The following CDH7 variants were observed in gnomAD, a reference collection of about 807,000 sequenced individuals.
CDH7 encodes cadherin 7.
A neutral mutation model predicts 71.8 loss-of-function variants in CDH7; 25 were observed. The observed-to-expected ratio is 0.35, with a 90% confidence interval of 0.25 to 0.49. The LOEUF is 0.49. CDH7 is among the 20% of genes least tolerant of loss of function. The pLI is 0.99. For missense variants in CDH7, 862 were observed against 974.6 expected (o/e 0.88, Z 1.54); for synonymous variants, 381 against 363.8 (o/e 1.05, Z -0.54).
intron 11 of CDH7, among the ~76,000 whole-genome samples, chr18:65,872,354 G>A (rs1913953385): frequency 6.6e-6 from 1 of 152,092 alleles, no homozygotes; most frequent in African/African-American, 2.4e-5. Context: ...ATGTGGAGTA[G>A]GCTATTCTTA....
chr18:65,860,429 A>G (rs1913522856), intron 10 of CDH7, among the ~76,000 whole-genome samples: 1 of 152,180 alleles, frequency 6.6e-6, no homozygotes, highest in Non-Finnish European at 1.5e-5. Context: ...AAATATCATT[A>G]TAGTAAAAAA....
At chr18:65,839,188 T>A (rs906271285) in intron 6 of CDH7, among the ~76,000 whole-genome samples, 2 of 152,218 alleles carry the variant, frequency 1.3e-5, no homozygotes, top group South Asian at 4.1e-4. Context: ...AGTTTTCACA[T>A]GTATTAATAA....
chr18:65,828,141 T>G (rs1912199401), intron 6 of CDH7, among the ~76,000 whole-genome samples: 1 of 151,964 alleles, frequency 6.6e-6, no homozygotes, highest in African/African-American at 2.4e-5. Flanking sequence ...TTTTAAAAAT[T>G]TTACAAATTT....
intron 2 of CDH7, among the ~76,000 whole-genome samples, chr18:65,793,751 G>A (rs1320296528): frequency 6.6e-6 from 1 of 152,082 alleles, no homozygotes; most frequent in South Asian, 2.1e-4. Flanking sequence ...ACATGCAGTA[G>A]CAGTAATAAA....
At chr18:65,819,774 A>G (rs1911852036) in intron 4 of CDH7, among the ~76,000 whole-genome samples, 1 of 151,722 alleles carries the variant, frequency 6.6e-6, no homozygotes, top group South Asian at 2.1e-4. Flanking sequence ...AGTGATATCC[A>G]AAAAAGTTTA....
chr18:65,809,739 C>T lies in CDH7; in HGVS notation c.246C>T (p.Ile82=), dbSNP rs1911453849. 3.1e-6 allele frequency: 5 copies of T among 1,613,852 alleles called. No homozygotes were observed. ...HSDVDKGDGS[I]KYILSGEGAS... ...ATGTTGATAAAGGAGATGGTTCCAT[C>T]AAATACATCTTGTCAGGCGAAGGGG... The change falls in exon 3 of 12, where the codon ATC becomes ATT. Residue 82 remains isoleucine, a synonymous_variant. Transcript: ENST00000397968.
chr18:65,756,687 A>C (rs1916038627), intron 1 of CDH7, among the ~76,000 whole-genome samples: 1 of 152,220 alleles, frequency 6.6e-6, no homozygotes, highest in Non-Finnish European at 1.5e-5. Flanking sequence ...AATTGTGATA[A>C]GCCATTGCTT....
chr18:65,809,857 G>T lies in CDH7; in HGVS notation c.364G>T (p.Ala122Ser). 1 of 1,613,994 alleles carries T rather than the reference G, an allele frequency of 6.2e-7. No individual in the cohort carries two copies. The highest frequency in any genetic ancestry group is 8.5e-7 in the Non-Finnish European group (1 of 1,179,996). Residue 122 changes from alanine to serine, a missense_variant, in exon 3 of 12, where the codon GCT becomes TCT. Physicochemically the swap from Ala to Ser is moderately conservative, Grantham distance 99 (BLOSUM62 1). Transcript: ENST00000397968. The part of the protein sequence containing the change: ...REEQAYYTLR[A>S]QALDRLTNKP... ...GGAGCAGGCCTACTACACGCTCCGA[G>T]CTCAAGCGCTGGATAGGCTCACCAA...
intron 2 of CDH7, among the ~76,000 whole-genome samples, chr18:65,769,146 A>G (rs1419594232): frequency 6.6e-6 from 1 of 152,202 alleles, no homozygotes; most frequent in East Asian, 1.9e-4. Flanking sequence ...CACAGATCCA[A>G]GAACAAACGC....
intron 1 of CDH7, among the ~76,000 whole-genome samples, chr18:65,752,312 C>T (rs1915906054): frequency 1.3e-5 from 2 of 152,262 alleles, no homozygotes; most frequent in Admixed American, 6.5e-5. Flanking sequence ...GCAGATAACA[C>T]CTCACACAAA....
Position 65,889,174 on chromosome 18 carries a change from G to A in CDH7, c.*8280G>A, listed in dbSNP as rs1914446787. 6.6e-6 allele frequency: 1 copy of A among 152,120 alleles called. No homozygotes were observed. The highest frequency in any genetic ancestry group is 2.4e-5 in the African/African-American group (1 of 41,404). 9.4% of individuals were successfully genotyped at this position (152,120 alleles called of 1,614,324 possible). On this transcript the variant is annotated 3_prime_UTR_variant, in exon 12 of 12. Coordinates refer to ENST00000397968, the MANE Select transcript of CDH7 (RefSeq NM_004361.5). ...AAACACGGCAGACCAGATTTTCTGAGGGTTACCCGCTATGCAGATTCATAA... is the reference window on the plus strand; with the variant it reads ...AAACACGGCAGACCAGATTTTCTGAAGGTTACCCGCTATGCAGATTCATAA...
chr18:65,795,904 T>C (rs1327698578), intron 2 of CDH7, among the ~76,000 whole-genome samples: 2 of 152,052 alleles, frequency 1.3e-5, no homozygotes, highest in Non-Finnish European at 2.9e-5. Context: ...CTGAGTTTTA[T>C]AAGGGACACT....
At chr18:65,788,778 G>C (rs1910602278) in intron 2 of CDH7, among the ~76,000 whole-genome samples, 1 of 152,162 alleles carries the variant, frequency 6.6e-6, no homozygotes, top group South Asian at 2.1e-4. Flanking sequence ...CTTTCGCTTA[G>C]ATGAAAAAGT....
chr18:65,857,811 A>G lies in CDH7; in HGVS notation c.1236-5A>G, dbSNP rs944800353. ...AGGCTTTTCTTTTCTTCAATGTTCA[A>G]TTAGGTACTCAATTGACAGAAACAC... is the stretch of plus-strand genomic sequence containing the variant. On this transcript the variant is annotated splice_polypyrimidine_tract_variant and splice_region_variant and intron_variant, in intron 7 of 11. Coordinates refer to ENST00000397968, the MANE Select transcript of CDH7 (RefSeq NM_004361.5). The G allele has an allele frequency of 6.2e-7, 1 of 1,611,700 alleles. No homozygotes were observed. The highest frequency in any genetic ancestry group is 8.5e-7 in the Non-Finnish European group (1 of 1,178,906).
At chr18:65,790,759 C>T (rs745736328) in intron 2 of CDH7, among the ~76,000 whole-genome samples, 26 of 152,256 alleles carry the variant, frequency 1.7e-4, no homozygotes, top group Admixed American at 3.3e-4. Flanking sequence ...ATCCCAGCAG[C>T]TCAGGAGGCT....
chr18:65,809,639 T>C (rs1305954231), intron 2 of CDH7, 65 bp from the exon 3 acceptor site: 3 of 1,337,004 alleles, frequency 2.2e-6, no homozygotes, highest in Non-Finnish European at 3.1e-6. Context: ...AGAATTATTT[T>C]TACATATCTC....
At position 65,882,698 on chromosome 18, in the gene CDH7, TTGC is replaced by T. The variant is rs1286165419; in HGVS notation, c.*1807_*1809del. On this transcript the variant is annotated 3_prime_UTR_variant, in exon 12 of 12. Transcript: ENST00000397968. ...TTTTATGACTATATAGATATGCTTC[TTGC>T]TGTATTAATATGCATATATATTTTA... 1 of 152,154 alleles carries T rather than the reference TTGC, an allele frequency of 6.6e-6. No homozygotes were observed. The highest frequency in any genetic ancestry group is 2.4e-5 in the African/African-American group (1 of 41,458). 9.4% of individuals were successfully genotyped at this position (152,154 alleles called of 1,614,324 possible). A position where few individuals can be genotyped will look rare whatever the true frequency, so the allele number is the denominator to read the frequency against.
chr18:65,879,304 G>A (rs1162614298), intron 11 of CDH7, among the ~76,000 whole-genome samples: 3 of 152,060 alleles, frequency 2.0e-5, no homozygotes, highest in Non-Finnish European at 4.4e-5. Context: ...AAAATATGAT[G>A]ACAATAATGT....
chr18:65,756,332 T>C (rs1245906914), intron 1 of CDH7, among the ~76,000 whole-genome samples: 1 of 152,204 alleles, frequency 6.6e-6, no homozygotes, highest in East Asian at 1.9e-4. Flanking sequence ...GAGGTGTTTG[T>C]CAGACAACCA....
Sources: allele counts gnomAD v4.1 joint callset (sites outside exome capture counted in the v4.1 genomes callset), GRCh38; gene constraint gnomAD v4.1.1; transcripts MANE v1.5; gene names NCBI Gene and HGNC (gene_info 2026-07-23, HGNC 2026-07-21).